The following AP3D1 variants were observed in gnomAD, a reference collection of about 807,000 sequenced individuals.
AP3D1 encodes the protein AP-3 complex subunit delta-1.
In AP3D1, 51 loss-of-function variants were observed where a neutral mutation model predicts 147.6. The ratio of observed to expected loss-of-function variants is 0.35; its 90% CI spans 0.28 to 0.44. The LOEUF is 0.44. AP3D1 is among the 20% of genes least tolerant of loss of function. The pLI is 1.00. For synonymous variants in AP3D1, 760 were observed against 663.0 expected, an observed-to-expected ratio of 1.15 and a Z score of -2.25; for missense variants, 1,421 against 1,624.2, an observed-to-expected ratio of 0.87 and a Z score of 2.15.
chr19:2,101,952 G>A lies in AP3D1; in HGVS notation c.*221C>T. The A allele has an allele frequency of 1.9e-6, 1 of 531,454 alleles. No homozygotes were observed. Among genetic ancestry groups the A allele is most frequent in the Non-Finnish European group, 3.3e-6 (1 of 299,472 alleles). 32.9% of individuals were successfully genotyped at this position (531,454 alleles called of 1,614,324 possible). A position where few individuals can be genotyped will look rare whatever the true frequency, so the allele number is the denominator to read the frequency against. ...CTTGCTGGTTTGGGGGCGAGAAGGG[G>A]ACTTCTTGCCAAAGAGAATGGGAAG... is the stretch of plus-strand genomic sequence containing the variant. On this transcript the variant is annotated 3_prime_UTR_variant, in exon 32 of 32. Transcript: ENST00000643116.
intron 10 of AP3D1, 127 bp from the exon 11 acceptor site, chr19:2,123,533 C>A: frequency 1.0e-6 from 1 of 989,340 alleles, no homozygotes; most frequent in South Asian, 1.6e-5. Context: ...CAATCAAAGC[C>A]CAGGAGGGAA....
At chr19:2,107,674 A>G (rs1016688370) in intron 31 of AP3D1, among the ~76,000 whole-genome samples, 5 of 151,020 alleles carry the variant, frequency 3.3e-5, no homozygotes, top group Admixed American at 2.0e-4. Flanking sequence ...AGGGAGGCGG[A>G]GCTTGCAGTG....
intron 17 of AP3D1, 84 bp downstream of exon 17, chr19:2,116,521 C>T: frequency 1.4e-6 from 2 of 1,453,198 alleles, no homozygotes; most frequent in Non-Finnish European, 1.8e-6. Flanking sequence ...GGCCAGGACC[C>T]ACAGAGGCCG....
At chr19:2,143,368 G>C (rs980530852) in intron 1 of AP3D1, among the ~76,000 whole-genome samples, 1 of 148,934 alleles carries the variant, frequency 6.7e-6, no homozygotes, top group African/African-American at 2.5e-5. Flanking sequence ...AGCCTCCCAA[G>C]TAGCTGGGAC....
chr19:2,123,553 G>A, intron 10 of AP3D1, 147 bp from the exon 11 acceptor site: 1 of 873,530 alleles, frequency 1.1e-6, no homozygotes, highest in Non-Finnish European at 1.7e-6. Flanking sequence ...AACAAGCATG[G>A]CCCACATGGG....
At chr19:2,152,555 G>A (rs999792915), upstream of AP3D1, among the ~76,000 whole-genome samples, 1 of 148,334 alleles carries the variant, frequency 6.7e-6, no homozygotes, top group African/African-American at 2.5e-5. Flanking sequence ...AAAAAAGAGA[G>A]GGAGAAAGAA....
intron 10 of AP3D1, 65 bp from the exon 11 acceptor site, chr19:2,123,471 C>A (rs1029881906): frequency 2.6e-6 from 4 of 1,553,478 alleles, no homozygotes; most frequent in South Asian, 2.3e-5. Flanking sequence ...CCACAGGTAC[C>A]CTCCAGATTC....
intron 22 of AP3D1, 80 bp from the exon 23 acceptor site, chr19:2,113,493 G>C: frequency 2.4e-6 from 2 of 847,044 alleles, no homozygotes; most frequent in Non-Finnish European, 3.4e-6. Flanking sequence ...GGGCCAAGGA[G>C]GCCCCAGCTG....
intron 24 of AP3D1, chr19:2,112,603 CTG>C (rs1292327750): frequency 5.0e-6 from 2 of 396,414 alleles, no homozygotes; most frequent in East Asian, 4.1e-5. Context: ...TTGCACAACT[CTG>C]TGAATATACA....
upstream of AP3D1, among the ~76,000 whole-genome samples, chr19:2,154,437 G>T (rs550806456): frequency 6.6e-6 from 1 of 151,204 alleles, no homozygotes; most frequent in Non-Finnish European, 1.5e-5. Context: ...TCGCCACCAC[G>T]CCCAGCTAAT....
intron 1 of AP3D1, among the ~76,000 whole-genome samples, chr19:2,157,701 C>T (rs2019660074): frequency 7.0e-6 from 1 of 142,886 alleles, no homozygotes; most frequent in Non-Finnish European, 1.5e-5. Context: ...ATCCACCCAT[C>T]CACCCACCCA....
Position 2,117,263 on chromosome 19 carries a change from T to C in AP3D1, c.1818A>G (p.Pro606=), listed in dbSNP as rs2018482878. 16 of 1,612,510 alleles carry C rather than the reference T, an allele frequency of 9.9e-6. No homozygotes were observed. The highest frequency in any genetic ancestry group is 1.3e-5 in the African/African-American group (1 of 74,888). The change falls in exon 16 of 32, where the codon CCA becomes CCG. Residue 606 remains proline, a synonymous_variant. Transcript: ENST00000643116. ...VSALFAGELN[P]VAPKAQKKVP... is the part of the protein sequence containing the mutation. ...CCTTCTTCTGGGCCTTGGGGGCCACTGGGTTCAGCTCCCCAGCAAAGAGAG... is the reference window on the plus strand; with the variant it reads ...CCTTCTTCTGGGCCTTGGGGGCCACCGGGTTCAGCTCCCCAGCAAAGAGAG...
intron 31 of AP3D1, among the ~76,000 whole-genome samples, chr19:2,108,192 AG>A (rs2018164643): frequency 6.6e-6 from 1 of 152,252 alleles, no homozygotes; most frequent in Non-Finnish European, 1.5e-5. Context: ...CCACCAGAAA[AG>A]AAAACTAAAG....
intron 1 of AP3D1, among the ~76,000 whole-genome samples, chr19:2,150,228 C>A (rs375689731): frequency 6.6e-6 from 1 of 152,188 alleles, no homozygotes; most frequent in Non-Finnish European, 1.5e-5. Context: ...GGGACTGGTG[C>A]GGTATCAGAC....
In AP3D1 at chr19:2,143,944, G is replaced by A. The variant is rs868043144; in HGVS notation, c.97-5230C>T. ...CTCCGCTAAAAATACAAAATTAGCC[G>A]GGGTGGTGGCTCGCACCTGTAATCC... On this transcript the variant is annotated intron_variant, in intron 1 of 31. Coordinates refer to ENST00000643116, the MANE Select transcript of AP3D1 (RefSeq NM_001261826.3). Among the ~76,000 whole-genome samples the A allele has an allele frequency of 7.9e-5, 12 of 152,048 alleles. 1 individual carries two copies. The highest frequency in any genetic ancestry group is 6.4e-3 in the Middle Eastern group (2 of 314).
At chr19:2,156,858 A>G (rs2019649387) in intron 1 of AP3D1, among the ~76,000 whole-genome samples, 1 of 151,484 alleles carries the variant, frequency 6.6e-6, no homozygotes, top group Admixed American at 6.6e-5. Context: ...AAAAAACTAA[A>G]TAAATAAAAC....
In AP3D1 at chr19:2,127,132, G is replaced by A. The variant is rs2145094674; in HGVS notation, c.856+20C>T. 1 of 1,613,554 alleles carries A rather than the reference G, an allele frequency of 6.2e-7. No homozygotes were observed. The highest frequency in any genetic ancestry group is 8.5e-7 in the Non-Finnish European group (1 of 1,179,632). ...CTGGCAGTGCCAGCCCTTCCAGATGGGGAGAGTGCCAGTTCTCACCTGCAA... is the reference window on the plus strand; with the variant it reads ...CTGGCAGTGCCAGCCCTTCCAGATGAGGAGAGTGCCAGTTCTCACCTGCAA... On this transcript the variant is annotated intron_variant, in intron 9 of 31. Transcript: ENST00000643116.
chr19:2,117,798 G>T (rs1435561206), intron 15 of AP3D1, among the ~76,000 whole-genome samples: 1 of 152,258 alleles, frequency 6.6e-6, no homozygotes, highest in Non-Finnish European at 1.5e-5. Context: ...GGAGCCCGGG[G>T]CCACGCCCCA....
intron 8 of AP3D1, among the ~76,000 whole-genome samples, chr19:2,127,818 C>T (rs2018800359): frequency 6.6e-6 from 1 of 152,226 alleles, no homozygotes; most frequent in East Asian, 1.9e-4. Flanking sequence ...TGAGCCACAG[C>T]TCCCAGCCCT....
Sources: allele counts gnomAD v4.1 joint callset (sites outside exome capture counted in the v4.1 genomes callset), GRCh38; gene constraint gnomAD v4.1.1; transcripts MANE v1.5; gene names NCBI Gene and HGNC (gene_info 2026-07-23, HGNC 2026-07-21).